The following DNMT3L variants were observed in gnomAD, a reference collection of about 807,000 sequenced individuals.
The protein encoded by DNMT3L is DNA methyltransferase 3 like, also known as DNA (cytosine-5)-methyltransferase 3-like.
A neutral mutation model predicts 36.2 loss-of-function variants in DNMT3L; 33 were observed. That is an observed-to-expected ratio of 0.91 (90% CI 0.69 to 1.22). The LOEUF (loss-of-function observed/expected upper bound fraction) is 1.22, where lower values mean the gene tolerates loss of function less well. Among genes scored for constraint, DNMT3L ranks in the 50% most tolerant of loss-of-function variants. The pLI is 0.00. For missense variants in DNMT3L, 310 were observed against 303.1 expected (o/e 1.02, Z -0.17); for synonymous variants, 117 against 121.7 (o/e 0.96, Z 0.26).
At chr21:44,253,251 G>C (rs1008349749) in intron 8 of DNMT3L, among the ~76,000 whole-genome samples, 2 of 86,646 alleles carry the variant, frequency 2.3e-5, no homozygotes, top group African/African-American at 9.6e-5. Flanking sequence ...GGGGACCACA[G>C]AGTAGGTCCC....
At chr21:44,261,503 G>C (rs917564091) in intron 1 of DNMT3L, among the ~76,000 whole-genome samples, 1 of 152,206 alleles carries the variant, frequency 6.6e-6, no homozygotes, top group Admixed American at 6.5e-5. Context: ...CACCTGCCTG[G>C]CCCTGTTACA....
At chr21:44,256,939 G>C (rs1384375621) in intron 6 of DNMT3L, among the ~76,000 whole-genome samples, 2 of 152,172 alleles carry the variant, frequency 1.3e-5, no homozygotes, top group Non-Finnish European at 2.9e-5. Context: ...GGCAGGGAGA[G>C]ATGACTTCGT....
intron 7 of DNMT3L, 68 bp downstream of exon 7, chr21:44,255,999 G>C: frequency 6.5e-7 from 1 of 1,542,144 alleles, no homozygotes; most frequent in South Asian, 1.1e-5. Context: ...CCCGGGGGGT[G>C]GCCTGAGGGG....
chr21:44,259,025 G>A (rs1013172073), intron 5 of DNMT3L, among the ~76,000 whole-genome samples: 11 of 152,108 alleles, frequency 7.2e-5, no homozygotes, highest in African/African-American at 2.2e-4. Context: ...AACAGCAGCT[G>A]GGGGAGAGAA....
intron 3 of DNMT3L, among the ~76,000 whole-genome samples, chr21:44,260,447 C>T (rs979093142): frequency 1.3e-5 from 2 of 152,120 alleles, no homozygotes; most frequent in East Asian, 1.9e-4. Flanking sequence ...AAGGGATACA[C>T]GTGGCACAGT....
At chr21:44,256,389 G>A (rs540823171) in intron 6 of DNMT3L, among the ~76,000 whole-genome samples, 3 of 150,602 alleles carry the variant, frequency 2.0e-5, no homozygotes, top group Admixed American at 2.0e-4. Context: ...GTCTCCAGCC[G>A]AGAGACAGTA....
intron 7 of DNMT3L, 106 bp from the exon 8 acceptor site, chr21:44,254,811 G>A: frequency 9.2e-7 from 1 of 1,089,888 alleles, no homozygotes. Context: ...TACCATTAAG[G>A]AGCCAACTGT....
At chr21:44,255,934 G>T in intron 7 of DNMT3L, 133 bp downstream of exon 7, 1 of 872,226 alleles carries the variant, frequency 1.1e-6, no homozygotes, top group Non-Finnish European at 1.8e-6. Context: ...GGCCCAGGGT[G>T]GGGAAGGGTA....
intron 8 of DNMT3L, among the ~76,000 whole-genome samples, chr21:44,253,814 C>T (rs2040237079): frequency 1.3e-5 from 2 of 152,228 alleles, no homozygotes; most frequent in Non-Finnish European, 2.9e-5. Flanking sequence ...ACTCCACTTC[C>T]CTGGACCCCC....
chr21:44,257,697 TAA>T (rs1491027972), intron 6 of DNMT3L, among the ~76,000 whole-genome samples: 1 of 49,180 alleles, frequency 2.0e-5, no homozygotes, highest in Non-Finnish European at 3.5e-5. Context: ...AAAAAAAAAA[TAA>T]ATAAATAAAT....
chr21:44,259,359 C>A, intron 5 of DNMT3L, 78 bp downstream of exon 5: 1 of 1,446,264 alleles, frequency 6.9e-7, no homozygotes, highest in Non-Finnish European at 9.6e-7. Flanking sequence ...AAAATCCACC[C>A]ACACTCCAGA....
At position 44,258,457 on chromosome 21, in the gene DNMT3L, A is replaced by G; in HGVS notation, c.516+66T>C. On this transcript the variant is annotated intron_variant, in intron 6 of 11. Transcript: ENST00000628202. The surrounding 1 kb of genome is among the most constrained non-coding windows in gnomAD (Gnocchi z 6.2). Reference sequence around the variant, plus strand: ...CGGCGCGCCTGCATTCTGCAGCGGGAACCGAGGGAAGGCCGTAAGTCAGGG... The same window carrying G: ...CGGCGCGCCTGCATTCTGCAGCGGGGACCGAGGGAAGGCCGTAAGTCAGGG... The G allele has an allele frequency of 6.8e-7, 1 of 1,475,150 alleles. No individual in the cohort carries two copies. Among genetic ancestry groups the G allele is most frequent in the Admixed American group, 2.4e-5 (1 of 42,472 alleles). 91.4% of individuals were successfully genotyped at this position (1,475,150 alleles called of 1,614,324 possible). A position where few individuals can be genotyped will look rare whatever the true frequency, so the allele number is the denominator to read the frequency against.
chr21:44,259,976 T>C (rs1327299508), intron 3 of DNMT3L, among the ~76,000 whole-genome samples: 2 of 138,078 alleles, frequency 1.4e-5, no homozygotes, highest in Admixed American at 8.2e-5. Flanking sequence ...TTGAACCTGG[T>C]AGACAGAGGT....
At chr21:44,259,963 C>T (rs2040301774) in intron 3 of DNMT3L, among the ~76,000 whole-genome samples, 1 of 146,494 alleles carries the variant, frequency 6.8e-6, no homozygotes, top group African/African-American at 2.5e-5. Flanking sequence ...GCAGGAGAAT[C>T]ACTTGAACCT....
chr21:44,261,041 G>T, intron 2 of DNMT3L, 113 bp downstream of exon 2: 1 of 1,421,872 alleles, frequency 7.0e-7, no homozygotes, highest in Non-Finnish European at 9.7e-7. Flanking sequence ...TCCTGCCCCA[G>T]CCCGGGTGCC....
In DNMT3L at chr21:44,259,411, C is replaced by T. The variant is rs368079595; in HGVS notation, c.344+26G>A. The T allele has an allele frequency of 6.0e-5, 96 of 1,610,884 alleles. No individual in the cohort carries two copies. The African/African-American group carries it at 1.0e-3, about 17-fold the overall frequency. On this transcript the variant is annotated intron_variant, in intron 5 of 11. Coordinates refer to ENST00000628202, the MANE Select transcript of DNMT3L (RefSeq NM_175867.3). ...ATGGGTGTGTCCTCAGCCCCTTCAC[C>T]CCCCTGGGCAGGCCCCTCGCCTCAC...
rs566659100 is a variant in DNMT3L at position 44,257,018 on chromosome 21, C to T, written c.517-864G>A. 4.6e-5 allele frequency among the ~76,000 whole-genome samples: 7 copies of T among 152,318 alleles called. No homozygotes were observed. In the South Asian group the frequency reaches 6.2e-4, roughly 14 times the overall value. On this transcript the variant is annotated intron_variant, in intron 6 of 11. Coordinates refer to ENST00000628202, the MANE Select transcript of DNMT3L (RefSeq NM_175867.3). ...GTCAGCTCAGGGGTCCCTTGCTCCC[C>T]GCTGGCTGCCTCACCGGGGGCCACA...
chr21:44,254,634 C>G lies in DNMT3L; in HGVS notation c.676G>C (p.Asp226His). Residue 226 changes from aspartate (D) to histidine (H), a missense_variant, in exon 8 of 12, where the codon GAC becomes CAC. Coordinates refer to ENST00000628202, the MANE Select transcript of DNMT3L (RefSeq NM_175867.3). ...GQLKHVVDVTDTVRKDVEEWG... is the reference protein window; with the variant it reads ...GQLKHVVDVTHTVRKDVEEWG... ...GTACTCACATCCTTCCTCACTGTGT[C>G]TGTGACATCAACCACATGCTTCAGT... 1 of 1,614,014 alleles carries G rather than the reference C, an allele frequency of 6.2e-7. No individual in the cohort carries two copies. Among genetic ancestry groups the G allele is most frequent in the Non-Finnish European group, 8.5e-7 (1 of 1,179,970 alleles).
intron 7 of DNMT3L, 146 bp downstream of exon 7, chr21:44,255,921 A>T: frequency 1.4e-6 from 1 of 733,812 alleles, no homozygotes; most frequent in African/African-American, 2.0e-5. Flanking sequence ...CAGGGTTAGC[A>T]TGGGCCCAGG....
Sources: gnomAD v4.1 joint callset for allele counts (sites outside exome capture counted in the v4.1 genomes callset) on GRCh38, gnomAD v4.1.1 for gene constraint, Gnocchi (gnomAD v3.1) non-coding constraint, MANE v1.5 for transcripts, NCBI Gene and HGNC (gene_info 2026-07-23, HGNC 2026-07-21) for gene names.